SLC25A48: variants seen among roughly 807,000 people sequenced by gnomAD.
SLC25A48 encodes the protein solute carrier family 25 member 48, also known as CTC-321K16.1.
Under a neutral mutation model 32.2 loss-of-function variants are expected in SLC25A48, and 29 were observed. That is an observed-to-expected ratio of 0.90 (90% CI 0.67 to 1.23). The LOEUF is 1.23. Among genes scored for constraint, SLC25A48 ranks in the 50% most tolerant of loss-of-function variants. SLC25A48 has a pLI of 0.00. For synonymous variants in SLC25A48, 164 were observed against 172.3 expected, an observed-to-expected ratio of 0.95 and a Z score of 0.38; for missense variants, 399 against 422.7, an observed-to-expected ratio of 0.94 and a Z score of 0.49.
At chr5:135,597,570 A>C (rs2126881009) in intron 1 of SLC25A48, among the ~76,000 whole-genome samples, 1 of 152,354 alleles carries the variant, frequency 6.6e-6, no homozygotes, top group Admixed American at 6.5e-5. Flanking sequence ...AAACAATCAA[A>C]GGAGATGCGA....
chr5:135,592,140 C>T (rs1165753951), intron 1 of SLC25A48, among the ~76,000 whole-genome samples: 1 of 152,178 alleles, frequency 6.6e-6, no homozygotes, highest in African/African-American at 2.4e-5. Context: ...TAGAGCTTGG[C>T]ATCCTATCTC....
chr5:135,880,887 T>C (rs758935346), intron 7 of SLC25A48, among the ~76,000 whole-genome samples: 2 of 152,178 alleles, frequency 1.3e-5, no homozygotes, highest in Non-Finnish European at 2.9e-5. Flanking sequence ...TCCTCCAGGA[T>C]GCCGGCTTGC....
intron 3 of SLC25A48, among the ~76,000 whole-genome samples, chr5:135,723,028 T>C (rs1754998121): frequency 6.6e-6 from 1 of 152,214 alleles, no homozygotes; most frequent in African/African-American, 2.4e-5. Context: ...ACAGAGCCCC[T>C]GCCCCTCTTT....
chr5:135,713,293 C>T lies in SLC25A48; in HGVS notation c.-521+78337C>T, dbSNP rs567328898. Reference sequence around the variant, plus strand: ...TTTTCAGCAGTATAATGGCTTTCAACGCTAGGCATTTCGTGTTAATGATGC... The same window carrying T: ...TTTTCAGCAGTATAATGGCTTTCAATGCTAGGCATTTCGTGTTAATGATGC... On this transcript the variant is annotated intron_variant, in intron 3 of 10. Transcript: ENST00000646290. 1.4e-4 allele frequency among the ~76,000 whole-genome samples: 22 copies of T among 152,272 alleles called. No homozygotes were observed. In the South Asian group the frequency reaches 3.7e-3, roughly 26 times the overall value.
chr5:135,834,506 G>C, upstream of SLC25A48: 1 of 348,078 alleles, frequency 2.9e-6, no homozygotes, highest in South Asian at 8.1e-5. Flanking sequence ...AGTTGGCAAG[G>C]AAGAGGATAA....
intron 1 of SLC25A48, among the ~76,000 whole-genome samples, chr5:135,626,947 T>C (rs904893985): frequency 6.6e-6 from 1 of 152,190 alleles, no homozygotes; most frequent in African/African-American, 2.4e-5. Context: ...GCCTGCTGGT[T>C]GCCTTCTTGC....
chr5:135,886,681 A>AGAGAGAGAGAGTGTGTGTGTGTGTGTGT (rs1762747515), intron 7 of SLC25A48, among the ~76,000 whole-genome samples: 4 of 125,128 alleles, frequency 3.2e-5, no homozygotes, highest in African/African-American at 1.4e-4. Flanking sequence ...TGTGAGAGAG[A>AGAGAGAGAGAGTGTGTGTGTGTGTGTGT]GAGAGAGAGA....
At chr5:135,720,447 C>T (rs1367185559) in intron 3 of SLC25A48, among the ~76,000 whole-genome samples, 2 of 152,242 alleles carry the variant, frequency 1.3e-5, no homozygotes, top group African/African-American at 4.8e-5. Context: ...TCCACCTAAA[C>T]TGTGCCACCC....
chr5:135,842,293 C>T, intron 1 of SLC25A48, 123 bp from the exon 2 acceptor site: 1 of 967,804 alleles, frequency 1.0e-6, no homozygotes, highest in Non-Finnish European at 1.7e-6. Flanking sequence ...TGGAGCCCAC[C>T]CACTCCCCCT....
At chr5:135,668,778 A>G (rs979364012) in intron 3 of SLC25A48, among the ~76,000 whole-genome samples, 15 of 152,252 alleles carry the variant, frequency 9.9e-5, no homozygotes, top group African/African-American at 3.6e-4. Flanking sequence ...TAAGCCAGCA[A>G]CATAGGATAA....
At chr5:135,659,862 C>T (rs1420946706) in intron 3 of SLC25A48, among the ~76,000 whole-genome samples, 3 of 152,194 alleles carry the variant, frequency 2.0e-5, no homozygotes, top group Non-Finnish European at 4.4e-5. Flanking sequence ...AAGAACTCAA[C>T]TCATTATCAC....
intron 4 of SLC25A48, among the ~76,000 whole-genome samples, chr5:135,856,356 T>A (rs983231690): frequency 2.6e-5 from 4 of 152,170 alleles, no homozygotes; most frequent in Admixed American, 2.6e-4. Flanking sequence ...CCTGGCAGCC[T>A]TCTGAGTAGC....
At chr5:135,701,760 G>A (rs1400040154) in intron 3 of SLC25A48, among the ~76,000 whole-genome samples, 1 of 152,160 alleles carries the variant, frequency 6.6e-6, no homozygotes, top group Non-Finnish European at 1.5e-5. Context: ...GGCTGGATGG[G>A]CTATATGGAG....
At chr5:135,816,735 A>G (rs1333989167) in intron 4 of SLC25A48, among the ~76,000 whole-genome samples, 1 of 152,206 alleles carries the variant, frequency 6.6e-6, no homozygotes, top group African/African-American at 2.4e-5. Flanking sequence ...CAACAAGAAA[A>G]CTGAATAAAA....
At chr5:135,798,075 C>T (rs1349138196) in intron 3 of SLC25A48, among the ~76,000 whole-genome samples, 1 of 151,656 alleles carries the variant, frequency 6.6e-6, no homozygotes. Flanking sequence ...GATATTACTC[C>T]CAATATCAAA....
At chr5:135,622,680 A>C (rs746808748) in intron 1 of SLC25A48, among the ~76,000 whole-genome samples, 1 of 152,240 alleles carries the variant, frequency 6.6e-6, no homozygotes, top group African/African-American at 2.4e-5. Context: ...TGTTTACATC[A>C]GGATGATTAG....
intron 1 of SLC25A48, among the ~76,000 whole-genome samples, chr5:135,594,280 A>T (rs113740218): frequency 2.6e-4 from 39 of 152,180 alleles, no homozygotes; most frequent in Non-Finnish European, 4.9e-4. Context: ...TTCCCTTGGG[A>T]GAAAGTGGCT....
chr5:135,622,400 G>GA (rs1189495236), intron 1 of SLC25A48, among the ~76,000 whole-genome samples: 2 of 152,104 alleles, frequency 1.3e-5, no homozygotes, highest in African/African-American at 2.4e-5. Flanking sequence ...TATTTTAATA[G>GA]AAAAAATTGG....
chr5:135,608,469 G>A (rs1751991094), intron 1 of SLC25A48, among the ~76,000 whole-genome samples: 1 of 152,230 alleles, frequency 6.6e-6, no homozygotes, highest in South Asian at 2.1e-4. Flanking sequence ...TGACTCTGCA[G>A]TTAACCTAGC....
Sources: gnomAD v4.1 joint callset for allele counts (sites outside exome capture counted in the v4.1 genomes callset) on GRCh38, gnomAD v4.1.1 for gene constraint, MANE v1.5 for transcripts, NCBI Gene and HGNC (gene_info 2026-07-23, HGNC 2026-07-21) for gene names.